KRABD1: variants seen among roughly 807,000 people sequenced by gnomAD.
KRABD1 encodes KRAB domain containing 1, also known as KRAB domain-containing protein 1.
chr3:42,941,499 T>A, the KRABD1 span: 1 of 844,126 alleles, frequency 1.2e-6, no homozygotes, highest in Non-Finnish European at 1.7e-6. Flanking sequence ...GCTTTCCTTC[T>A]TTTTCTAGCG....
chr3:42,941,933 G>A, the KRABD1 span: 4 of 1,390,198 alleles, frequency 2.9e-6, no homozygotes, highest in Non-Finnish European at 3.9e-6. Context: ...TCATTATTGT[G>A]TTATGTTTTC....
chr3:42,941,414 T>A, the KRABD1 span: 1 of 1,467,514 alleles, frequency 6.8e-7, no homozygotes. Context: ...CTTTTATAAT[T>A]ATTAGCTGAC....
At chr3:42,941,249 G>A in the KRABD1 span, 1 of 1,572,366 alleles carries the variant, frequency 6.4e-7, no homozygotes, top group Non-Finnish European at 8.6e-7. Context: ...TTGAGGACGT[G>A]GCTGTGTACT....
At chr3:42,941,934 T>TTATG in the KRABD1 span, 7 of 1,386,058 alleles carry the variant, frequency 5.1e-6, no homozygotes, top group Non-Finnish European at 5.9e-6. Context: ...CATTATTGTG[T>TTATG]TATGTTTTCT....
At chr3:42,937,844 A>G in the KRABD1 span, 173 of 152,288 alleles carry the variant, frequency 1.1e-3, no homozygotes, top group African/African-American at 3.7e-3. Flanking sequence ...CACTGGCTTT[A>G]TAGTGTTTTG....
the KRABD1 span, chr3:42,941,330 C>T: frequency 6.3e-7 from 1 of 1,599,206 alleles, no homozygotes; most frequent in Non-Finnish European, 8.5e-7. Flanking sequence ...TGCTGGAGAA[C>T]TATGAGGCTG....
chr3:42,938,728 A>G, the KRABD1 span: 10 of 461,206 alleles, frequency 2.2e-5, no homozygotes, highest in Admixed American at 2.6e-4. Flanking sequence ...TGAGATTGAT[A>G]ATAAGCAATA....
At chr3:42,941,987 T>G in the KRABD1 span, 11 of 1,535,992 alleles carry the variant, frequency 7.2e-6, no homozygotes, top group African/African-American at 1.5e-4. Flanking sequence ...AGCTTTGGTC[T>G]CTCATCTGGA....
the KRABD1 span, chr3:42,938,828 TG>T: frequency 7.0e-6 from 8 of 1,134,872 alleles, no homozygotes; most frequent in East Asian, 5.2e-5. Flanking sequence ...TTATCGTTAA[TG>T]TTTTTTTTCT....
the KRABD1 span, chr3:42,941,846 C>T: frequency 2.9e-6 from 2 of 689,696 alleles, no homozygotes; most frequent in Non-Finnish European, 5.2e-6. Context: ...TCGTATAGCT[C>T]ACCCGGGAAT....
chr3:42,939,014 A>G, the KRABD1 span: 17 of 994,214 alleles, frequency 1.7e-5, no homozygotes, highest in South Asian at 2.4e-4. Flanking sequence ...AAAAATATCT[A>G]TATTACACAT....
the KRABD1 span, chr3:42,938,842 A>G: frequency 7.6e-7 from 1 of 1,322,486 alleles, no homozygotes; most frequent in Middle Eastern, 1.8e-4. Flanking sequence ...TTTTTTCTTT[A>G]CCTTCAGCAC....
the KRABD1 span, among the ~76,000 whole-genome samples, chr3:42,940,428 A>G: frequency 6.6e-6 from 1 of 152,246 alleles, no homozygotes; most frequent in African/African-American, 2.4e-5. Context: ...TCTCCAAGGT[A>G]ATTAAAAATA....
chr3:42,942,317 T>G, the KRABD1 span, among the ~76,000 whole-genome samples: 4 of 152,228 alleles, frequency 2.6e-5, no homozygotes, highest in Non-Finnish European at 5.9e-5. Flanking sequence ...GAACAGTTTT[T>G]CTAAATACTT....
the KRABD1 span, chr3:42,941,184 C>G: frequency 6.5e-7 from 1 of 1,528,636 alleles, no homozygotes; most frequent in Non-Finnish European, 8.8e-7. Flanking sequence ...TGACCATCAC[C>G]AAAGTACTGA....
the KRABD1 span, among the ~76,000 whole-genome samples, chr3:42,941,553 A>T: frequency 1.3e-5 from 2 of 152,032 alleles, no homozygotes; most frequent in Non-Finnish European, 2.9e-5. Context: ...GGTGATTCTG[A>T]GTACAGTAGG....
At chr3:42,941,251 C>T in the KRABD1 span, 1 of 1,573,548 alleles carries the variant, frequency 6.4e-7, no homozygotes, top group African/African-American at 1.3e-5. Flanking sequence ...GAGGACGTGG[C>T]TGTGTACTTC....
chr3:42,938,795 A>T, the KRABD1 span: 1 of 761,352 alleles, frequency 1.3e-6, no homozygotes. Flanking sequence ...GGTTGTTTGT[A>T]GGACTTATGG....
chr3:42,941,250 G>A, the KRABD1 span: 2 of 1,572,824 alleles, frequency 1.3e-6, no homozygotes, highest in Non-Finnish European at 1.7e-6. Context: ...TGAGGACGTG[G>A]CTGTGTACTT....
Sources: gnomAD v4.1 joint callset for allele counts (sites outside exome capture counted in the v4.1 genomes callset) on GRCh38, gnomAD v4.1.1 for gene constraint, MANE v1.5 for transcripts, NCBI Gene and HGNC (gene_info 2026-07-23, HGNC 2026-07-21) for gene names.